ZNF425: variants seen among roughly 807,000 people sequenced by gnomAD.
ZNF425 encodes the protein zinc finger protein 425.
A neutral mutation model predicts 17.0 loss-of-function variants in ZNF425; 21 were observed. The observed-to-expected ratio is 1.23, with a 90% CI of 0.88 to 1.78. The LOEUF is 1.78. Ranked by LOEUF, ZNF425 falls within the 40% of genes most tolerant of loss-of-function variation. ZNF425 has a pLI of 0.00. For missense variants in ZNF425, 868 were observed against 967.3 expected (o/e 0.90, Z 1.36); for synonymous variants, 433 against 384.1 (o/e 1.13, Z -1.49).
At position 149,104,501 on chromosome 7, in the gene ZNF425, A is replaced by G. The variant is rs979533898; in HGVS notation, c.1370T>C (p.Met457Thr). The G allele has an allele frequency of 1.3e-6, 2 of 1,597,940 alleles. No homozygotes were observed. Among genetic ancestry groups the G allele is most frequent in the African/African-American group, 1.3e-5 (1 of 74,328 alleles). ...GCTGTGCAGGCGCTGGTGGGCGCGCATGGCGTTCCTCCAGAAGAAGCCCCT... is the reference window on the plus strand; with the variant it reads ...GCTGTGCAGGCGCTGGTGGGCGCGCGTGGCGTTCCTCCAGAAGAAGCCCCT... ...CSRGFFWRNA[M>T]RAHQRLHSEQ... The change falls in exon 4 of 4, where the codon ATG becomes ACG. Residue 457 changes from methionine to threonine, a missense_variant. Coordinates refer to ENST00000378061, the MANE Select transcript of ZNF425 (RefSeq NM_001001661.3). This position sits in a 1 kb window ranked among gnomAD's most constrained non-coding sequence, Gnocchi z 4.3.
chr7:149,109,223 A>G (rs1826134291), intron 3 of ZNF425, among the ~76,000 whole-genome samples: 1 of 151,780 alleles, frequency 6.6e-6, no homozygotes, highest in Non-Finnish European at 1.5e-5. Context: ...GACTACAGGC[A>G]GCTGCCACCA....
At chr7:149,112,917 G>A (rs995744777) in intron 2 of ZNF425, among the ~76,000 whole-genome samples, 2 of 151,064 alleles carry the variant, frequency 1.3e-5, no homozygotes, top group South Asian at 2.1e-4. Context: ...TGCCTGCGTC[G>A]GCCTCCCAAA....
chr7:149,113,640 C>T (rs1380316631), intron 2 of ZNF425, among the ~76,000 whole-genome samples: 2 of 151,070 alleles, frequency 1.3e-5, no homozygotes, highest in African/African-American at 4.9e-5. Context: ...GCAGCTCCAC[C>T]TCCCAGGTTC....
chr7:149,114,371 C>CTTT (rs55950010), intron 2 of ZNF425, among the ~76,000 whole-genome samples: 2 of 112,552 alleles, frequency 1.8e-5, no homozygotes, highest in Admixed American at 1.0e-4. Context: ...TGCGCCCAGC[C>CTTT]TTTTTTTTTT....
chr7:149,111,517 G>C (rs573918181), intron 3 of ZNF425, among the ~76,000 whole-genome samples: 6 of 141,316 alleles, frequency 4.2e-5, no homozygotes, highest in Non-Finnish European at 9.1e-5. Flanking sequence ...CCTGGAACCC[G>C]GGAGGCAGAG....
At position 149,104,978 on chromosome 7, in the gene ZNF425, C is replaced by T; in HGVS notation, c.893G>A (p.Gly298Glu). Reference sequence around the variant, plus strand: ...CTCCCCGCAGCAGAACGGCCGCTCCCCGCGGTGTAGACACAGGTGCTTCTT... The same window carrying T: ...CTCCCCGCAGCAGAACGGCCGCTCCTCGCGGTGTAGACACAGGTGCTTCTT... ...NLKKHLCLHR[G>E]ERPFCCGECG... The change falls in exon 4 of 4, where the codon GGG becomes GAG. Residue 298 changes from glycine to glutamate, a missense_variant. Transcript: ENST00000378061. The surrounding 1 kb of genome is among the most constrained non-coding windows in gnomAD (Gnocchi z 4.3). 6.2e-7 allele frequency: 1 copy of T among 1,614,208 alleles called. No homozygotes were observed. Among genetic ancestry groups the T allele is most frequent in the Non-Finnish European group, 8.5e-7 (1 of 1,180,046 alleles).
Position 149,104,526 on chromosome 7 carries a change from T to G in ZNF425, c.1345A>C (p.Arg449=). ...ATGGCGTTCCTCCAGAAGAAGCCCC[T>G]GCTGCACTCCGGGCACTGGAAGGGC... ...KRPFQCPECS[R]GFFWRNAMRA... is the part of the protein sequence containing the mutation. The change falls in exon 4 of 4, where the codon AGG becomes CGG. Residue 449 remains arginine (R), a synonymous_variant. Transcript: ENST00000378061. This position sits in a 1 kb window ranked among gnomAD's most constrained non-coding sequence, Gnocchi z 4.3. The G allele has an allele frequency of 6.2e-7, 1 of 1,607,092 alleles. No individual in the cohort carries two copies. Among genetic ancestry groups the G allele is most frequent in the East Asian group, 2.2e-5 (1 of 44,826 alleles).
intron 3 of ZNF425, among the ~76,000 whole-genome samples, chr7:149,110,929 G>A (rs769754541): frequency 1.7e-4 from 26 of 151,578 alleles, no homozygotes; most frequent in Admixed American, 1.3e-3. Context: ...CGAGTAGCTG[G>A]GATTACAGGC....
At chr7:149,111,590 TAAAAAAAAAAAAAAAA>T (rs60783786) in intron 3 of ZNF425, among the ~76,000 whole-genome samples, 2 of 54,382 alleles carry the variant, frequency 3.7e-5, no homozygotes, top group African/African-American at 6.5e-5. Context: ...AGACTCTGTC[TAAAAAAAAAAAAAAAA>T]AAAAAAAAAA....
At position 149,105,532 on chromosome 7, in the gene ZNF425, ATCC is replaced by A; in HGVS notation, c.336_338del (p.Glu112del). ...GTTTTTGAGGACCATTTAAACGGCA[ATCC>A]TCTTCTTTTGTCCTGGGAGTTCCTT... On this transcript the variant is annotated inframe_deletion, in exon 4 of 4. Transcript: ENST00000378061. 4.0e-6 allele frequency: 6 copies of A among 1,515,408 alleles called. No homozygotes were observed. Among genetic ancestry groups the A allele is most frequent in the Non-Finnish European group, 5.3e-6 (6 of 1,136,042 alleles). 93.9% of individuals were successfully genotyped at this position (1,515,408 alleles called of 1,614,324 possible).
chr7:149,117,212 G>T (rs900308443), intron 2 of ZNF425, among the ~76,000 whole-genome samples: 1 of 151,450 alleles, frequency 6.6e-6, no homozygotes, highest in Admixed American at 6.6e-5. Flanking sequence ...TGCAGTGAGC[G>T]GAGATTACAC....
chr7:149,107,876 A>ATTTATTTT (rs1370098441), intron 3 of ZNF425, among the ~76,000 whole-genome samples: 31 of 149,268 alleles, frequency 2.1e-4, no homozygotes, highest in Admixed American at 1.7e-3. Context: ...TTATTTATTT[A>ATTTATTTT]TTTTTGAGCT....
rs374027953 is a variant in ZNF425 at position 149,105,360 on chromosome 7, G to A, written c.511C>T (p.Arg171Trp). The change falls in exon 4 of 4, where the codon CGG (arginine) becomes TGG (tryptophan). Residue 171 changes from arginine to tryptophan, a missense_variant. Coordinates refer to ENST00000378061, the MANE Select transcript of ZNF425 (RefSeq NM_001001661.3). Reference protein sequence around the residue: ...TAYDPDKKDLRHKPRETPGRL... With the variant: ...TAYDPDKKDLWHKPRETPGRL... ...CCTGGGGTCTCCCGAGGCTTATGCC[G>A]CAGGTCTTTCTTGTCTGGATCATAT... The A allele has an allele frequency of 2.0e-5, 32 of 1,613,138 alleles. No individual in the cohort carries two copies. The highest frequency in any genetic ancestry group is 7.7e-5 in the South Asian group (7 of 90,958).
chr7:149,122,094 T>G (rs1362630386), intron 1 of ZNF425, among the ~76,000 whole-genome samples: 1 of 150,050 alleles, frequency 6.7e-6, no homozygotes, highest in African/African-American at 2.5e-5. Context: ...TTTTTTTTTT[T>G]TTGTATTTTT....
chr7:149,110,981 GA>G (rs902174214), intron 3 of ZNF425, among the ~76,000 whole-genome samples: 1 of 151,650 alleles, frequency 6.6e-6, no homozygotes, highest in African/African-American at 2.4e-5. Flanking sequence ...TTTTAGTAGA[GA>G]GGGGGTTTCG....
At chr7:149,118,625 G>A (rs1478008934) in intron 1 of ZNF425, 2 of 419,072 alleles carry the variant, frequency 4.8e-6, no homozygotes, top group Non-Finnish European at 4.6e-6. Context: ...GACCAGCCTG[G>A]CCAACATGGC....
chr7:149,105,374 T>A lies in ZNF425; in HGVS notation c.497A>T (p.Asp166Val), dbSNP rs6965052. 2,940 of 1,611,310 alleles carry A rather than the reference T, an allele frequency of 1.8e-3. 55 individuals carry two copies. The African/African-American group carries it at 0.035, about 19-fold the overall frequency. Reference protein sequence around the residue: ...KKVSITAYDPDKKDLRHKPRE... With the variant: ...KKVSITAYDPVKKDLRHKPRE... Reference sequence around the variant, plus strand: ...AGGCTTATGCCGCAGGTCTTTCTTGTCTGGATCATATGCTGTGATGCTGAC... The same window carrying A: ...AGGCTTATGCCGCAGGTCTTTCTTGACTGGATCATATGCTGTGATGCTGAC... Residue 166 changes from aspartate to valine, a missense_variant, in exon 4 of 4, where the codon GAC becomes GTC. Asp to Val is a radical substitution (Grantham distance 152). This residue lies in a region of ZNF425 where 179 missense variants were observed against 216.3 expected (regional missense o/e 0.83). Coordinates refer to ENST00000378061, the MANE Select transcript of ZNF425 (RefSeq NM_001001661.3).
chr7:149,104,128 G>A lies in ZNF425; in HGVS notation c.1743C>T (p.Pro581=). The A allele has an allele frequency of 6.2e-7, 1 of 1,612,266 alleles. No homozygotes were observed. Among genetic ancestry groups the A allele is most frequent in the Non-Finnish European group, 8.5e-7 (1 of 1,179,648 alleles). ...TCTTGTCACACTCACCGCACGCGAA[G>A]GGCTTCTCGTCCCTGTGCATCCGCT... ...FHQRMHRDEK[P]FACGECDKTY... is the part of the protein sequence containing the mutation. Residue 581 remains proline, a synonymous_variant, in exon 4 of 4, where the codon CCC becomes CCT. Coordinates refer to ENST00000378061, the MANE Select transcript of ZNF425 (RefSeq NM_001001661.3). This position sits in a 1 kb window ranked among gnomAD's most constrained non-coding sequence, Gnocchi z 4.3.
chr7:149,112,201 CCTT>C lies in ZNF425; in HGVS notation c.237_239del (p.Arg80del), dbSNP rs1308353938. On this transcript the variant is annotated inframe_deletion, in exon 3 of 4. Transcript: ENST00000378061. The stretch of plus-strand genomic sequence containing the variant: ...GTTCATCAGTAGGAGGGCTAGTTGT[CCTT>C]CTTGTTTTATCTAAGCATCCCTGTT... 1.2e-6 allele frequency: 2 copies of C among 1,613,952 alleles called. No homozygotes were observed. Among genetic ancestry groups the C allele is most frequent in the East Asian group, 2.2e-5 (1 of 44,894 alleles).
Sources: gnomAD v4.1 joint callset for allele counts (sites outside exome capture counted in the v4.1 genomes callset) on GRCh38, gnomAD v4.1.1 for gene constraint, gnomAD v4.1.1 regional missense constraint, Gnocchi (gnomAD v3.1) non-coding constraint, MANE v1.5 for transcripts, NCBI Gene and HGNC (gene_info 2026-07-23, HGNC 2026-07-21) for gene names.